The following QSOX1 variants were observed in gnomAD, a reference collection of about 807,000 sequenced individuals.
The protein encoded by QSOX1 is quiescin sulfhydryl oxidase 1.
A neutral mutation model predicts 76.1 loss-of-function variants in QSOX1; 40 were observed. The ratio of observed to expected loss-of-function variants is 0.53; its 90% CI spans 0.41 to 0.68. The LOEUF (loss-of-function observed/expected upper bound fraction) is 0.68. Ranked by LOEUF, QSOX1 falls within the 30% of genes least tolerant of loss-of-function variation. QSOX1 has a pLI of 0.00. For missense variants in QSOX1, 931 were observed against 974.3 expected, an observed-to-expected ratio of 0.96 and a Z score of 0.59; for synonymous variants, 392 against 413.1, an observed-to-expected ratio of 0.95 and a Z score of 0.62.
In QSOX1 at chr1:180,198,567, G is replaced by A. The variant is rs2149244834; in HGVS notation, c.*1530G>A. On this transcript the variant is annotated 3_prime_UTR_variant, in exon 12 of 12. Transcript: ENST00000367602. ...CCTGGGTGCTATGTGGAGCAGGTGG[G>A]ATGCCAAGGCCACTCCTGCTATGGG... 8.2e-6 allele frequency: 3 copies of A among 365,832 alleles called. No individual in the cohort carries two copies. In the East Asian group the frequency reaches 2.2e-4, roughly 27 times the overall value. 22.7% of individuals were successfully genotyped at this position (365,832 alleles called of 1,614,324 possible). A position where few individuals can be genotyped will look rare whatever the true frequency, so the allele number is the denominator to read the frequency against.
At chr1:180,180,998 A>G (rs774396661) in intron 5 of QSOX1, among the ~76,000 whole-genome samples, 69 of 152,236 alleles carry the variant, frequency 4.5e-4, no homozygotes, top group Non-Finnish European at 8.1e-4. Context: ...GGTTTGGTGC[A>G]GTGGGGCCAG....
At chr1:180,182,369 C>G in intron 6 of QSOX1, 50 bp downstream of exon 6, 2 of 1,606,016 alleles carry the variant, frequency 1.2e-6, no homozygotes, top group East Asian at 2.2e-5. Context: ...CTGTGCTCAT[C>G]CTTCCTTCTT....
intron 10 of QSOX1, among the ~76,000 whole-genome samples, chr1:180,191,327 T>C (rs1050949192): frequency 1.3e-5 from 2 of 151,892 alleles, no homozygotes; most frequent in Non-Finnish European, 2.9e-5. Context: ...GAGAAAGATG[T>C]GGGGTGAAGA....
At position 180,173,064 on chromosome 1, in the gene QSOX1, T is replaced by C. The variant is rs185104853; in HGVS notation, c.367-2257T>C. Among the ~76,000 whole-genome samples, 19 of 152,340 alleles carry C rather than the reference T, an allele frequency of 1.2e-4. No individual in the cohort carries two copies. In the East Asian group the frequency reaches 3.7e-3, roughly 29 times the overall value. The stretch of plus-strand genomic sequence containing the variant: ...TAAATAAACAAGAGCACCATCACCA[T>C]GAATAACTGCAGCGCAACATCACCC... On this transcript the variant is annotated intron_variant, in intron 2 of 11. Coordinates refer to ENST00000367602, the MANE Select transcript of QSOX1 (RefSeq NM_002826.5).
rs750248908 is a variant in QSOX1 at position 180,196,843 on chromosome 1, G to A, written c.2050G>A (p.Gly684Ser). Residue 684 changes from glycine to serine, a missense_variant, in exon 12 of 12, where the codon GGC becomes AGC. Coordinates refer to ENST00000367602, the MANE Select transcript of QSOX1 (RefSeq NM_002826.5). The surrounding 1 kb of genome is among the most constrained non-coding windows in gnomAD (Gnocchi z 4.1). Reference protein sequence around the residue: ...SSKQLVDIPEGQLEARAGRGR... With the variant: ...SSKQLVDIPESQLEARAGRGR... The stretch of plus-strand genomic sequence containing the variant: ...CAAGCAGCTGGTCGACATCCCTGAG[G>A]GCCAGCTGGAGGCCCGAGCTGGACG... The A allele has an allele frequency of 1.2e-6, 2 of 1,607,038 alleles. No homozygotes were observed. Among genetic ancestry groups the A allele is most frequent in the South Asian group, 2.2e-5 (2 of 90,460 alleles).
chr1:180,197,702 C>T lies in QSOX1; in HGVS notation c.*665C>T, dbSNP rs920788414. The T allele has an allele frequency of 1.8e-5, 6 of 327,524 alleles. No individual in the cohort carries two copies. Among genetic ancestry groups the T allele is most frequent in the South Asian group, 3.9e-5 (1 of 25,744 alleles). 20.3% of individuals were successfully genotyped at this position (327,524 alleles called of 1,614,324 possible). A position where few individuals can be genotyped will look rare whatever the true frequency, so the allele number is the denominator to read the frequency against. ...GAGTGGCTTGCTTGGTGGGACCTGA[C>T]GAGTTGGTGGCATGGGAAGGATGTG... On this transcript the variant is annotated 3_prime_UTR_variant, in exon 12 of 12. Coordinates refer to ENST00000367602, the MANE Select transcript of QSOX1 (RefSeq NM_002826.5).
At chr1:180,195,000 G>T (rs927670760) in intron 11 of QSOX1, among the ~76,000 whole-genome samples, 1 of 151,202 alleles carries the variant, frequency 6.6e-6, no homozygotes, top group African/African-American at 2.4e-5. Flanking sequence ...GCCTCCCGGG[G>T]GGGGGAGACC....
chr1:180,189,534 G>A lies in QSOX1; in HGVS notation c.1018-18G>A, dbSNP rs200762492. 44 of 1,576,506 alleles carry A rather than the reference G, an allele frequency of 2.8e-5. No homozygotes were observed. Among genetic ancestry groups the A allele is most frequent in the East Asian group, 4.8e-5 (2 of 41,280 alleles). On this transcript the variant is annotated intron_variant, in intron 8 of 11. Coordinates refer to ENST00000367602, the MANE Select transcript of QSOX1 (RefSeq NM_002826.5). Reference sequence around the variant, plus strand: ...AATTGCTTTTCACTCTCCAGCTTCCGCTTGTTCCTCCCCACAGTATTTCCC... The same window carrying A: ...AATTGCTTTTCACTCTCCAGCTTCCACTTGTTCCTCCCCACAGTATTTCCC...
At chr1:180,182,565 G>T (rs920679010) in intron 6 of QSOX1, among the ~76,000 whole-genome samples, 12 of 152,046 alleles carry the variant, frequency 7.9e-5, no homozygotes, top group African/African-American at 2.4e-4. Context: ...ACCCAGTGTC[G>T]CCTGCACCCT....
chr1:180,181,575 G>A (rs990028394), intron 5 of QSOX1, among the ~76,000 whole-genome samples: 1 of 152,136 alleles, frequency 6.6e-6, no homozygotes, highest in Non-Finnish European at 1.5e-5. Context: ...CATGAAATTT[G>A]TTACCATATG....
At position 180,178,936 on chromosome 1, in the gene QSOX1, C is replaced by T. The variant is rs746734067; in HGVS notation, c.606+52C>T. On this transcript the variant is annotated intron_variant, in intron 5 of 11. Transcript: ENST00000367602. ...TTCTTGGATAGCCATGGAGAGAGAG[C>T]CCCAGTTTGGGAGCAGGGCTTTTCC... 3.3e-6 allele frequency: 5 copies of T among 1,521,614 alleles called. No individual in the cohort carries two copies. The Admixed American group carries it at 8.4e-5, about 26-fold the overall frequency. The allele number at this position is 1,521,614 out of a possible 1,614,324, so 94.3% of individuals were successfully genotyped here.
intron 8 of QSOX1, 83 bp downstream of exon 8, chr1:180,186,265 G>C: frequency 6.5e-7 from 1 of 1,527,868 alleles, no homozygotes; most frequent in South Asian, 1.3e-5. Flanking sequence ...CACCCCGTCA[G>C]CCCCTCCCTC....
chr1:180,192,671 C>T (rs1286626983), intron 10 of QSOX1, among the ~76,000 whole-genome samples: 1 of 152,096 alleles, frequency 6.6e-6, no homozygotes, highest in African/African-American at 2.4e-5. Flanking sequence ...GCTGAGGAGT[C>T]AGGGGCTCGG....
chr1:180,167,179 A>T (rs1662650265), intron 2 of QSOX1, among the ~76,000 whole-genome samples: 1 of 152,184 alleles, frequency 6.6e-6, no homozygotes, highest in Non-Finnish European at 1.5e-5. Context: ...AAGGCTCTCA[A>T]ATAGGAGGCC....
chr1:180,160,336 CCT>C (rs1262732867), intron 1 of QSOX1, among the ~76,000 whole-genome samples: 1 of 151,160 alleles, frequency 6.6e-6, no homozygotes, highest in African/African-American at 2.4e-5. Flanking sequence ...GCACAGATTC[CCT>C]GTTCGCTAGT....
intron 1 of QSOX1, among the ~76,000 whole-genome samples, chr1:180,159,049 C>T (rs1302677744): frequency 6.6e-6 from 1 of 152,200 alleles, no homozygotes; most frequent in African/African-American, 2.4e-5. Context: ...GCCCTTGACT[C>T]CAGACCAAGC....
At position 180,192,431 on chromosome 1, in the gene QSOX1, G is replaced by T. The variant is rs778821454; in HGVS notation, c.1289-1782G>T. Among the ~76,000 whole-genome samples the T allele has an allele frequency of 7.9e-5, 12 of 152,358 alleles. No homozygotes were observed. In the South Asian group the frequency reaches 1.9e-3, roughly 24 times the overall value. ...GTGGAGGATGGGCTACTGCAGGCAG[G>T]GGGAGGCAGGGCAGCTGAGGAGCAA... On this transcript the variant is annotated intron_variant, in intron 10 of 11. Coordinates refer to ENST00000367602, the MANE Select transcript of QSOX1 (RefSeq NM_002826.5).
Position 180,203,944 on chromosome 1 carries a change from T to C in QSOX1, c.*6907T>C, listed in dbSNP as rs554091983. The C allele has an allele frequency of 1.4e-4, 21 of 152,364 alleles. No homozygotes were observed. The highest frequency in any genetic ancestry group is 4.6e-4 in the African/African-American group (19 of 41,580). 9.4% of individuals were successfully genotyped at this position (152,364 alleles called of 1,614,324 possible). A position where few individuals can be genotyped will look rare whatever the true frequency, so the allele number is the denominator to read the frequency against. ...TAAAAGCCAAGTAAGATTTTAAAAT[T>C]TGTTATAATTTTGGTTTTTAACAAC... On this transcript the variant is annotated 3_prime_UTR_variant, in exon 12 of 12. Transcript: ENST00000367602.
rs149764502 is a variant in QSOX1 at position 180,196,540 on chromosome 1, C to A, written c.1747C>A (p.Pro583Thr). Residue 583 changes from proline to threonine, a missense_variant, in exon 12 of 12, where the codon CCT (proline) becomes ACT (threonine). Transcript: ENST00000367602. The surrounding 1 kb of genome is among the most constrained non-coding windows in gnomAD (Gnocchi z 4.1). The stretch of plus-strand genomic sequence containing the variant: ...GAATTCAACTCTGGACCCTGGGAAG[C>A]CTGAGATGATGAAGTCCCCCACAAA... ...SRNSTLDPGK[P>T]EMMKSPTNTT... The A allele has an allele frequency of 6.8e-6, 11 of 1,614,048 alleles. No homozygotes were observed. The African/African-American group carries it at 1.3e-4, about 20-fold the overall frequency.
Sources: allele counts gnomAD v4.1 joint callset (sites outside exome capture counted in the v4.1 genomes callset), GRCh38; gene constraint gnomAD v4.1.1; non-coding constraint Gnocchi (gnomAD v3.1); transcripts MANE v1.5; gene names NCBI Gene and HGNC (gene_info 2026-07-23, HGNC 2026-07-21).